Variants in SMAD3 observed in about 807,000 individuals in gnomAD.
SMAD3 encodes SMAD family member 3, also known as MAD homolog 3.
SMAD3 carries 12 observed loss-of-function variants against 51.8 expected under a neutral mutation model. The ratio of observed to expected loss-of-function variants is 0.23; its 90% CI spans 0.15 to 0.38. The LOEUF (loss-of-function observed/expected upper bound fraction) is 0.38, where lower values mean the gene tolerates loss of function less well. SMAD3 is among the 10% of genes least tolerant of loss of function. The pLI is 1.00. For missense variants in SMAD3, 294 were observed against 565.6 expected, an observed-to-expected ratio of 0.52 and a Z score of 4.87; for synonymous variants, 238 against 227.7, an observed-to-expected ratio of 1.05 and a Z score of -0.41.
At chr15:67,156,960 A>G (rs559688928) in intron 1 of SMAD3, among the ~76,000 whole-genome samples, 14 of 152,228 alleles carry the variant, frequency 9.2e-5, no homozygotes, top group African/African-American at 3.1e-4. Context: ...AAGAAAATAC[A>G]TGCCACTCAT....
At chr15:67,107,413 C>G (rs1356569839) in intron 1 of SMAD3, among the ~76,000 whole-genome samples, 4 of 152,206 alleles carry the variant, frequency 2.6e-5, no homozygotes, top group Non-Finnish European at 5.9e-5. Context: ...GGTGAGATTT[C>G]TCAGCTCTGC....
At chr15:67,171,597 G>A (rs1962753458) in intron 5 of SMAD3, among the ~76,000 whole-genome samples, 1 of 152,224 alleles carries the variant, frequency 6.6e-6, no homozygotes, top group South Asian at 2.1e-4. Context: ...GCGAATCAAA[G>A]TGGATTGGAC....
chr15:67,113,843 T>G (rs1245699666), intron 1 of SMAD3, among the ~76,000 whole-genome samples: 1 of 152,238 alleles, frequency 6.6e-6, no homozygotes, highest in Non-Finnish European at 1.5e-5. Context: ...GGACAGTAAC[T>G]GTGTCTTATT....
chr15:67,184,938 C>T (rs533008851), intron 7 of SMAD3, 74 bp downstream of exon 7: 15 of 1,555,836 alleles, frequency 9.6e-6, no homozygotes, highest in South Asian at 8.9e-5. Flanking sequence ...GGAGAGAGTC[C>T]ACCTTTCTCA....
At chr15:67,178,288 T>C (rs942258512) in intron 5 of SMAD3, among the ~76,000 whole-genome samples, 5 of 152,304 alleles carry the variant, frequency 3.3e-5, no homozygotes, top group African/African-American at 9.6e-5. Flanking sequence ...TTTCTTTTTT[T>C]GAATGGTGGG....
intron 1 of SMAD3, among the ~76,000 whole-genome samples, chr15:67,164,279 C>T (rs2140292766): frequency 7.6e-6 from 1 of 131,478 alleles, no homozygotes; most frequent in Non-Finnish European, 1.5e-5. Flanking sequence ...GGCGCCACTA[C>T]ACTCCAGCCT....
chr15:67,187,193 C>A, intron 7 of SMAD3, 172 bp from the exon 8 acceptor site: 1 of 799,392 alleles, frequency 1.3e-6, no homozygotes, highest in Non-Finnish European at 2.1e-6. Flanking sequence ...GTTGGCCTTC[C>A]CTTTGCATGG....
intron 5 of SMAD3, among the ~76,000 whole-genome samples, chr15:67,180,517 G>A (rs548283920): frequency 1.3e-5 from 2 of 148,936 alleles, no homozygotes; most frequent in Non-Finnish European, 3.0e-5. Flanking sequence ...AGAAGGGTTT[G>A]TGTCCGAGCC....
chr15:67,149,467 C>A (rs917645991), intron 1 of SMAD3, among the ~76,000 whole-genome samples: 1 of 152,128 alleles, frequency 6.6e-6, no homozygotes, highest in Non-Finnish European at 1.5e-5. Flanking sequence ...AGGGATGCAG[C>A]TTTCAGACAA....
At chr15:67,151,058 A>C (rs1329523724) in intron 1 of SMAD3, among the ~76,000 whole-genome samples, 1 of 151,288 alleles carries the variant, frequency 6.6e-6, no homozygotes, top group South Asian at 2.1e-4. Flanking sequence ...GGGTTTCACC[A>C]TGTTGGCCAG....
At chr15:67,066,736 C>T (rs1272483166) in intron 1 of SMAD3, among the ~76,000 whole-genome samples, 1 of 152,144 alleles carries the variant, frequency 6.6e-6, no homozygotes, top group East Asian at 1.9e-4. Context: ...GCCCCTCCTC[C>T]GCCGCCGCCT....
chr15:67,142,720 A>G (rs1266844412), intron 1 of SMAD3: 1 of 328,876 alleles, frequency 3.0e-6, no homozygotes, highest in African/African-American at 2.2e-5. Flanking sequence ...TAAGACATTC[A>G]AAAACCACTG....
intron 1 of SMAD3, chr15:67,138,069 CTGGTACACCGGAAAGCA>C: frequency 6.4e-7 from 1 of 1,551,856 alleles, no homozygotes; most frequent in Non-Finnish European, 8.7e-7. Context: ...AGGCGCAGCT[CTGGTACACCGGAAAGCA>C]TGGTGGATGG....
intron 1 of SMAD3, among the ~76,000 whole-genome samples, chr15:67,094,640 T>A (rs910723250): frequency 1.3e-5 from 2 of 152,168 alleles, no homozygotes; most frequent in African/African-American, 4.8e-5. Flanking sequence ...GAGCTGAAGA[T>A]CATAATTATG....
chr15:67,189,257 C>A (rs1963299846), intron 8 of SMAD3, among the ~76,000 whole-genome samples: 1 of 152,146 alleles, frequency 6.6e-6, no homozygotes, highest in South Asian at 2.1e-4. Context: ...CACTCAGGTA[C>A]CCTCGCTCGT....
chr15:67,161,765 T>G (rs919787544), intron 1 of SMAD3, among the ~76,000 whole-genome samples: 1 of 152,176 alleles, frequency 6.6e-6, no homozygotes, highest in African/African-American at 2.4e-5. Context: ...TGAAGCACTT[T>G]CAAATGGAAA....
chr15:67,177,635 C>G (rs1404905103), intron 5 of SMAD3, among the ~76,000 whole-genome samples: 1 of 151,876 alleles, frequency 6.6e-6, no homozygotes, highest in Admixed American at 6.6e-5. Flanking sequence ...GTTGGCCAGG[C>G]TGGTCTCGAA....
chr15:67,109,622 A>C (rs906389824), intron 1 of SMAD3, among the ~76,000 whole-genome samples: 1 of 152,336 alleles, frequency 6.6e-6, no homozygotes, highest in African/African-American at 2.4e-5. Flanking sequence ...GAGCCATGGA[A>C]TAATTAAAAC....
chr15:67,072,825 A>G (rs1960086030), intron 1 of SMAD3, among the ~76,000 whole-genome samples: 1 of 152,220 alleles, frequency 6.6e-6, no homozygotes, highest in Admixed American at 6.5e-5. Context: ...AACAGTGGGA[A>G]GTTGCCATCC....
Sources: allele counts gnomAD v4.1 joint callset (sites outside exome capture counted in the v4.1 genomes callset), GRCh38; gene constraint gnomAD v4.1.1; transcripts MANE v1.5; gene names NCBI Gene and HGNC (gene_info 2026-07-23, HGNC 2026-07-21).